NRG3: variants seen among roughly 807,000 people sequenced by gnomAD.
NRG3 encodes neuregulin 3, also known as pro-neuregulin-3, membrane-bound isoform.
A neutral mutation model predicts 66.9 loss-of-function variants in NRG3; 31 were observed. That is an observed-to-expected ratio of 0.46 (90% CI 0.35 to 0.63). The LOEUF (loss-of-function observed/expected upper bound fraction) is 0.63. NRG3 is among the 20% of genes least tolerant of loss of function. The pLI is 0.00. For synonymous variants in NRG3, 393 were observed against 359.4 expected (o/e 1.09, Z -1.06); for missense variants, 910 against 878.9 (o/e 1.04, Z -0.45).
At chr10:82,850,822 G>A (rs2135829944) in intron 3 of NRG3, among the ~76,000 whole-genome samples, 1 of 152,170 alleles carries the variant, frequency 6.6e-6, no homozygotes, top group South Asian at 2.1e-4. Flanking sequence ...AATATAGTAA[G>A]TTAATTAAAT....
chr10:82,280,431 A>G (rs192971461), intron 1 of NRG3, among the ~76,000 whole-genome samples: 7 of 152,280 alleles, frequency 4.6e-5, no homozygotes, highest in African/African-American at 1.7e-4. Flanking sequence ...CTTTTGGAAG[A>G]CTTTGTCCTA....
chr10:82,547,663 A>G (rs1405723318), intron 2 of NRG3, among the ~76,000 whole-genome samples: 2 of 151,942 alleles, frequency 1.3e-5, no homozygotes, highest in Non-Finnish European at 2.9e-5. Flanking sequence ...GCACACACAT[A>G]TATATTCCAG....
At chr10:82,723,777 C>T (rs1440567812) in intron 2 of NRG3, among the ~76,000 whole-genome samples, 7 of 151,980 alleles carry the variant, frequency 4.6e-5, no homozygotes, top group South Asian at 2.1e-4. Flanking sequence ...GTCAGGAGTT[C>T]GAGACCAAAC....
intron 1 of NRG3, among the ~76,000 whole-genome samples, chr10:82,109,705 ATAATAT>A (rs1184635519): frequency 1.3e-5 from 2 of 152,086 alleles, no homozygotes; most frequent in African/African-American, 2.4e-5. Flanking sequence ...TCAATTAATA[ATAATAT>A]TAAGTGACCA....
intron 1 of NRG3, among the ~76,000 whole-genome samples, chr10:82,284,664 T>G (rs1015453914): frequency 1.3e-5 from 2 of 152,240 alleles, no homozygotes; most frequent in Non-Finnish European, 2.9e-5. Flanking sequence ...AAAAAATCTC[T>G]TTTCAATATG....
chr10:81,881,186 G>GTTTTTTTTTTT (rs144046078), intron 1 of NRG3, among the ~76,000 whole-genome samples: 2 of 137,116 alleles, frequency 1.5e-5, no homozygotes, highest in African/African-American at 2.7e-5. Flanking sequence ...TTTTTTTTGT[G>GTTTTTTTTTTT]TTTTTTTTTT....
intron 2 of NRG3, among the ~76,000 whole-genome samples, chr10:82,721,615 G>A (rs1176604173): frequency 6.6e-6 from 1 of 151,658 alleles, no homozygotes; most frequent in African/African-American, 2.4e-5. Context: ...CAGAGGCGTG[G>A]TTTCACGGTG....
At position 82,247,872 on chromosome 10, in the gene NRG3, C is replaced by A. The variant is rs540719743; in HGVS notation, c.824-110867C>A. Among the ~76,000 whole-genome samples, 9 of 152,210 alleles carry A rather than the reference C, an allele frequency of 5.9e-5. 1 individual carries two copies. In the South Asian group the frequency reaches 1.9e-3, roughly 32 times the overall value. On this transcript the variant is annotated intron_variant, in intron 1 of 8. Transcript: ENST00000372141. ...GTTTTCTCTTCCCTTCTATTTACTG[C>A]TGATTTTCATTCTACCTAACTTCTC...
chr10:82,079,051 A>G (rs1336312518), intron 1 of NRG3, among the ~76,000 whole-genome samples: 2 of 152,134 alleles, frequency 1.3e-5, no homozygotes, highest in African/African-American at 2.4e-5. Flanking sequence ...TTTATGAATA[A>G]TAGACTTTAT....
In NRG3 at chr10:82,103,874, GAAAC is replaced by G. The variant is rs537430364; in HGVS notation, c.823+227723_823+227726del. ...AGGTGAGAAAAAAGAAGAGGGAAAA[GAAAC>G]AAACAAACAAATAAATAAGTAGGGA... is the stretch of plus-strand genomic sequence containing the variant. On this transcript the variant is annotated intron_variant, in intron 1 of 8. Transcript: ENST00000372141. Among the ~76,000 whole-genome samples, 164 of 151,974 alleles carry G rather than the reference GAAAC, an allele frequency of 1.1e-3. 2 individuals are homozygous for G. The highest frequency in any genetic ancestry group is 8.7e-3 in the Admixed American group (132 of 15,248).
chr10:82,854,853 C>T (rs569940334), intron 3 of NRG3, among the ~76,000 whole-genome samples: 1 of 152,272 alleles, frequency 6.6e-6, no homozygotes, highest in African/African-American at 2.4e-5. Flanking sequence ...CACCATGGAT[C>T]TTCTCTTTTC....
At chr10:82,351,477 C>G (rs2083435200) in intron 1 of NRG3, among the ~76,000 whole-genome samples, 1 of 152,120 alleles carries the variant, frequency 6.6e-6, no homozygotes, top group Non-Finnish European at 1.5e-5. Flanking sequence ...TCAAGTTTCC[C>G]AGTGCACCTG....
At chr10:82,044,008 G>C (rs903246691) in intron 1 of NRG3, among the ~76,000 whole-genome samples, 2 of 151,896 alleles carry the variant, frequency 1.3e-5, no homozygotes, top group African/African-American at 4.8e-5. Context: ...TTTCATTTTT[G>C]GTGAATGAGT....
intron 1 of NRG3, among the ~76,000 whole-genome samples, chr10:82,122,868 A>C (rs924804506): frequency 6.6e-6 from 1 of 152,114 alleles, no homozygotes; most frequent in African/African-American, 2.4e-5. Context: ...TCTTTTTACT[A>C]CATGATGTCC....
chr10:82,346,616 A>G (rs1270645010), intron 1 of NRG3, among the ~76,000 whole-genome samples: 1 of 151,708 alleles, frequency 6.6e-6, no homozygotes, highest in African/African-American at 2.4e-5. Context: ...TTTTCTATTG[A>G]TTGGAATAGT....
At chr10:82,563,131 A>G (rs2045163239) in intron 2 of NRG3, among the ~76,000 whole-genome samples, 1 of 152,164 alleles carries the variant, frequency 6.6e-6, no homozygotes, top group African/African-American at 2.4e-5. Flanking sequence ...CATTTTTTAA[A>G]TGGACAAATA....
chr10:82,495,719 G>A (rs567172454), intron 2 of NRG3, among the ~76,000 whole-genome samples: 2 of 152,098 alleles, frequency 1.3e-5, no homozygotes, highest in South Asian at 2.1e-4. Context: ...GGAGCCCAAA[G>A]GGTAAGCCTC....
intron 7 of NRG3, among the ~76,000 whole-genome samples, chr10:82,974,749 A>C (rs946771845): frequency 6.6e-6 from 1 of 152,252 alleles, no homozygotes. Context: ...TGTTCCCAGC[A>C]ATGAAAGTTG....
chr10:82,454,356 A>T (rs1486470300), intron 2 of NRG3, among the ~76,000 whole-genome samples: 1 of 152,194 alleles, frequency 6.6e-6, no homozygotes, highest in Non-Finnish European at 1.5e-5. Context: ...TCCCCTTTCT[A>T]AAACTGGTTA....
Sources: gnomAD v4.1 joint callset for allele counts (sites outside exome capture counted in the v4.1 genomes callset) on GRCh38, gnomAD v4.1.1 for gene constraint, MANE v1.5 for transcripts, NCBI Gene and HGNC (gene_info 2026-07-23, HGNC 2026-07-21) for gene names.